Variants in NISCH observed in about 807,000 individuals in gnomAD.
NISCH encodes the protein I-1 receptor candidate protein.
NISCH carries 55 observed loss-of-function variants against 138.4 expected under a neutral mutation model. That is an observed-to-expected ratio of 0.40 (90% CI 0.32 to 0.50). NISCH has a LOEUF of 0.50. NISCH is among the 20% of genes least tolerant of loss of function. NISCH has a pLI of 0.71. For synonymous variants in NISCH, 860 were observed against 861.5 expected, an observed-to-expected ratio of 1.00 and a Z score of 0.03; for missense variants, 1,643 against 2,005.5, an observed-to-expected ratio of 0.82 and a Z score of 3.45.
chr3:52,476,256 G>A, intron 7 of NISCH, 191 bp from the exon 8 acceptor site: 1 of 629,856 alleles, frequency 1.6e-6, no homozygotes, highest in Non-Finnish European at 2.8e-6. Flanking sequence ...CTGTTATGTG[G>A]TAAATTGTTC....
At chr3:52,480,485 G>A (rs1707241339) in intron 13 of NISCH, 190 bp downstream of exon 13, 1 of 1,529,064 alleles carries the variant, frequency 6.5e-7, no homozygotes, top group Non-Finnish European at 8.7e-7. Context: ...GATGCCAGCT[G>A]TTGCTTGCTT....
chr3:52,459,258 C>T (rs1476495175), intron 3 of NISCH, among the ~76,000 whole-genome samples: 1 of 152,114 alleles, frequency 6.6e-6, no homozygotes, highest in African/African-American at 2.4e-5. Context: ...TGGGGCGTGT[C>T]ATCAGGGTCC....
intron 2 of NISCH, 27 bp downstream of exon 2, chr3:52,457,953 A>G: frequency 6.4e-7 from 1 of 1,566,528 alleles, no homozygotes; most frequent in South Asian, 1.1e-5. Context: ...GGGAGCACGT[A>G]TCTCAGGGCT....
At chr3:52,474,008 A>G (rs1376192567) in intron 7 of NISCH, among the ~76,000 whole-genome samples, 179 bp downstream of exon 7, 1 of 152,218 alleles carries the variant, frequency 6.6e-6, no homozygotes, top group Non-Finnish European at 1.5e-5. Context: ...AGCCCCTGGG[A>G]CACTTTAGTT....
chr3:52,483,159 C>G (rs1338773835), intron 13 of NISCH, among the ~76,000 whole-genome samples: 1 of 152,208 alleles, frequency 6.6e-6, no homozygotes, highest in Non-Finnish European at 1.5e-5. Context: ...TGCCATCCTT[C>G]CTGCCTGCCT....
chr3:52,483,766 CAG>C (rs752769868), intron 13 of NISCH, among the ~76,000 whole-genome samples: 10 of 152,218 alleles, frequency 6.6e-5, no homozygotes, highest in South Asian at 4.1e-4. Context: ...GATGACAAAT[CAG>C]GGGACGGGGT....
intron 3 of NISCH, among the ~76,000 whole-genome samples, chr3:52,464,393 T>G (rs887975042): frequency 1.3e-5 from 2 of 150,864 alleles, no homozygotes; most frequent in Admixed American, 1.3e-4. Flanking sequence ...TAAGACTGTC[T>G]AAAAAAACAA....
chr3:52,482,804 G>T (rs981707435), intron 13 of NISCH, among the ~76,000 whole-genome samples: 1 of 152,196 alleles, frequency 6.6e-6, no homozygotes, highest in Non-Finnish European at 1.5e-5. Flanking sequence ...GAATGCTGGG[G>T]AGGCGCTTGG....
At position 52,481,981 on chromosome 3, in the gene NISCH, C is replaced by T. The variant is rs6798008; in HGVS notation, c.1528+1686C>T. Reference sequence around the variant, plus strand: ...GGACCCCTAAGGACTCTCCTGATGTCTCCGCTCTATCCGCTGAGTGCCCTT... The same window carrying T: ...GGACCCCTAAGGACTCTCCTGATGTTTCCGCTCTATCCGCTGAGTGCCCTT... On this transcript the variant is annotated intron_variant, in intron 13 of 20. Coordinates refer to ENST00000345716, the MANE Select transcript of NISCH (RefSeq NM_007184.4). 1.8e-3 allele frequency: 1,682 copies of T among 935,972 alleles called. 30 individuals carry two copies. In the African/African-American group the frequency reaches 0.028, roughly 16 times the overall value. The allele number at this position is 935,972 out of a possible 1,614,324, so 58.0% of individuals were successfully genotyped here. A position where few individuals can be genotyped will look rare whatever the true frequency, so the allele number is the denominator to read the frequency against.
chr3:52,484,422 T>C, intron 13 of NISCH, 91 bp from the exon 14 acceptor site: 3 of 1,314,942 alleles, frequency 2.3e-6, no homozygotes, highest in Non-Finnish European at 3.2e-6. Context: ...GCCATGCCAG[T>C]AGCCTGAGGG....
chr3:52,490,414 T>G (rs987281115), intron 18 of NISCH, among the ~76,000 whole-genome samples, 183 bp downstream of exon 18: 1 of 152,114 alleles, frequency 6.6e-6, no homozygotes, highest in Admixed American at 6.5e-5. Context: ...TGGCCAGATG[T>G]GAACGCAGAA....
At chr3:52,479,675 A>G (rs1044771075) in intron 11 of NISCH, 74 bp from the exon 12 acceptor site, 1 of 1,061,240 alleles carries the variant, frequency 9.4e-7, no homozygotes, top group Non-Finnish European at 1.4e-6. Context: ...CCCCATGCTG[A>G]TAGCCATCAC....
chr3:52,461,950 TATTA>T (rs1334977797), intron 3 of NISCH, among the ~76,000 whole-genome samples: 2 of 152,018 alleles, frequency 1.3e-5, no homozygotes, highest in Non-Finnish European at 2.9e-5. Context: ...CCTTTGACGG[TATTA>T]ATTCCTTGCT....
chr3:52,492,638 C>A lies in NISCH; in HGVS notation c.*156C>A. Reference sequence around the variant, plus strand: ...AACATGTGTGTGTGTTGTGTTAATTCTTTCTCATGTTGGGAGTGAGAATGC... The same window carrying A: ...AACATGTGTGTGTGTTGTGTTAATTATTTCTCATGTTGGGAGTGAGAATGC... On this transcript the variant is annotated 3_prime_UTR_variant, in exon 21 of 21. Coordinates refer to ENST00000345716, the MANE Select transcript of NISCH (RefSeq NM_007184.4). The A allele has an allele frequency of 9.3e-7, 1 of 1,071,792 alleles. No homozygotes were observed. Among genetic ancestry groups the A allele is most frequent in the South Asian group, 1.7e-5 (1 of 57,548 alleles). 66.4% of individuals were successfully genotyped at this position (1,071,792 alleles called of 1,614,324 possible). A position where few individuals can be genotyped will look rare whatever the true frequency, so the allele number is the denominator to read the frequency against.
Position 52,478,085 on chromosome 3 carries a change from A to G in NISCH, c.988-12A>G. On this transcript the variant is annotated splice_polypyrimidine_tract_variant and intron_variant, in intron 9 of 20. Transcript: ENST00000345716. ...CCTGAGCCACTTTACGCTGTTCTCC[A>G]CGCCGCTGCAGCACCTGTATAACCT... is the stretch of plus-strand genomic sequence containing the variant. 1 of 1,612,920 alleles carries G rather than the reference A, an allele frequency of 6.2e-7. No homozygotes were observed. Among genetic ancestry groups the G allele is most frequent in the Non-Finnish European group, 8.5e-7 (1 of 1,179,736 alleles).
Position 52,491,867 on chromosome 3 carries a change from T to G in NISCH, c.3905-5T>G, listed in dbSNP as rs1559646400. The G allele has an allele frequency of 2.5e-6, 4 of 1,580,606 alleles. No homozygotes were observed. Among genetic ancestry groups the G allele is most frequent in the Non-Finnish European group, 1.7e-6 (2 of 1,159,954 alleles). ...GGCTATAGCCCAGGTGGCATCTCTC[T>G]GCAGGGAAGATGGAGAACTACGAGC... On this transcript the variant is annotated splice_region_variant and splice_polypyrimidine_tract_variant and intron_variant, in intron 20 of 20. Coordinates refer to ENST00000345716, the MANE Select transcript of NISCH (RefSeq NM_007184.4).
At chr3:52,480,677 T>A in intron 13 of NISCH, 2 of 1,422,144 alleles carry the variant, frequency 1.4e-6, no homozygotes, top group Non-Finnish European at 1.8e-6. Context: ...CTTGTGACTT[T>A]ACTGTCTGGA....
rs771486969 is a variant in NISCH, at chr3:52,492,163, C to T, written c.4196C>T (p.Pro1399Leu). ...CCACTGCCCGAGTTTGCCAAAGAGC[C>T]GCCGCAGAGAGACAGGTACCGGCTG... ...HYPLPEFAKEPPQRDRYRLDD... is the reference protein window; with the variant it reads ...HYPLPEFAKELPQRDRYRLDD... The change falls in exon 21 of 21, where the codon CCG (proline) becomes CTG (leucine). Residue 1399 changes from proline (P) to leucine (L), a missense_variant. Physicochemically the swap from Pro to Leu is moderately conservative, Grantham distance 98. Coordinates refer to ENST00000345716, the MANE Select transcript of NISCH (RefSeq NM_007184.4). 4.3e-6 allele frequency: 7 copies of T among 1,613,142 alleles called. No individual in the cohort carries two copies. The highest frequency in any genetic ancestry group is 5.1e-6 in the Non-Finnish European group (6 of 1,180,040).
intron 16 of NISCH, 119 bp downstream of exon 16, chr3:52,488,724 C>G (rs1453695906): frequency 3.5e-6 from 3 of 849,066 alleles, no homozygotes; most frequent in Non-Finnish European, 5.3e-6. Flanking sequence ...CCCTCCCCCC[C>G]TGCCCCTCGC....
Sources: allele counts gnomAD v4.1 joint callset (sites outside exome capture counted in the v4.1 genomes callset), GRCh38; gene constraint gnomAD v4.1.1; transcripts MANE v1.5; gene names NCBI Gene and HGNC (gene_info 2026-07-23, HGNC 2026-07-21).